KRR1: variants seen among roughly 807,000 people sequenced by gnomAD.
KRR1 encodes the protein KRR1 small subunit processome component homolog.
KRR1 carries 23 observed loss-of-function variants against 50.0 expected under a neutral mutation model. The ratio of observed to expected loss-of-function variants is 0.46; its 90% confidence interval spans 0.33 to 0.65. The LOEUF (loss-of-function observed/expected upper bound fraction) is 0.65, where lower values mean the gene tolerates loss of function less well. KRR1 is among the 30% of genes least tolerant of loss of function. The pLI is 0.02. For missense variants in KRR1, 419 were observed against 442.4 expected (o/e 0.95, Z 0.47); for synonymous variants, 133 against 146.3 (o/e 0.91, Z 0.66).
chr12:75,506,772 C>A lies in KRR1; in HGVS notation c.393+10G>T. Reference sequence around the variant, plus strand: ...CAAACAAAGCAAAGTCTCTGTAATTCTAGATTTACCTGTTCAAATGAAACA... The same window carrying A: ...CAAACAAAGCAAAGTCTCTGTAATTATAGATTTACCTGTTCAAATGAAACA... On this transcript the variant is annotated intron_variant, in intron 3 of 9. Transcript: ENST00000229214. 1 of 1,600,816 alleles carries A rather than the reference C, an allele frequency of 6.2e-7. No homozygotes were observed. The highest frequency in any genetic ancestry group is 8.5e-7 in the Non-Finnish European group (1 of 1,176,642).
intron 5 of KRR1, 27 bp downstream of exon 5, chr12:75,506,289 G>A: frequency 2.2e-6 from 3 of 1,369,096 alleles, no homozygotes; most frequent in Non-Finnish European, 3.1e-6. Flanking sequence ...TGCTGAAAAT[G>A]AATCGAAGAT....
At chr12:75,503,165 T>C (rs1255233009) in intron 7 of KRR1, 2 of 152,018 alleles carry the variant, frequency 1.3e-5, no homozygotes, top group Non-Finnish European at 2.9e-5. Context: ...AACCCATACG[T>C]GAGAGAAGAG....
Position 75,499,809 on chromosome 12 carries a change from T to C in KRR1, c.1146A>G (p.Ter382=), listed in dbSNP as rs146705305. 7.6e-5 allele frequency: 121 copies of C among 1,598,024 alleles called. No individual in the cohort carries two copies. In the African/African-American group the frequency reaches 1.4e-3, roughly 19 times the overall value. Residue 382 remains the stop codon, a stop_retained_variant, in exon 10 of 10, where the codon TAA becomes TAG. Coordinates refer to ENST00000229214, the MANE Select transcript of KRR1 (RefSeq NM_007043.7). ...ADEKKKKKKK[*] is the part of the protein sequence containing the mutation. ...TTCTAGTCAAGGAGTTTTGGGTATG[T>C]TACTTTTTTTTCTTCTTTTTCTTTT...
Position 75,506,623 on chromosome 12 carries a change from A to AG in KRR1, c.394-15_394-14insC. 2 of 1,550,752 alleles carry AG rather than the reference A, an allele frequency of 1.3e-6. 1 individual carries two copies. The highest frequency in any genetic ancestry group is 2.4e-5 in the South Asian group (2 of 82,078). ...AATTCGTACTGCCTTTTGCAAAAAA[A>AG]AAAAAAAAAAGAAGACATTATCAAC... On this transcript the variant is annotated splice_polypyrimidine_tract_variant and intron_variant, in intron 3 of 9. Transcript: ENST00000229214.
At position 75,499,770 on chromosome 12, in the gene KRR1, ACAAAAGGAGATAGTTCTAGT is replaced by A; in HGVS notation, c.*19_*38del. ...AATGCCTGATATCTCAAAATCCTTT[ACAAAAGGAGATAGTTCTAGT>A]CAAGGAGTTTTGGGTATGTTACTTT... On this transcript the variant is annotated 3_prime_UTR_variant, in exon 10 of 10. Coordinates refer to ENST00000229214, the MANE Select transcript of KRR1 (RefSeq NM_007043.7). 6.7e-7 allele frequency: 1 copy of A among 1,495,868 alleles called. No homozygotes were observed. Among genetic ancestry groups the A allele is most frequent in the Non-Finnish European group, 9.0e-7 (1 of 1,115,928 alleles). 92.7% of individuals were successfully genotyped at this position (1,495,868 alleles called of 1,614,324 possible).
Position 75,499,134 on chromosome 12 carries a change from T to C in KRR1, c.*675A>G, listed in dbSNP as rs866131402. On this transcript the variant is annotated 3_prime_UTR_variant, in exon 10 of 10. Coordinates refer to ENST00000229214, the MANE Select transcript of KRR1 (RefSeq NM_007043.7). Reference sequence around the variant, plus strand: ...TACTCAAAAGAAGAAATTTCCTAACTCTATCAGATAAACTCATCTTTAGTA... The same window carrying C: ...TACTCAAAAGAAGAAATTTCCTAACCCTATCAGATAAACTCATCTTTAGTA... The C allele has an allele frequency of 2.1e-6, 1 of 483,682 alleles. No homozygotes were observed. Among genetic ancestry groups the C allele is most frequent in the African/African-American group, 2.0e-5 (1 of 49,408 alleles). 30.0% of individuals were successfully genotyped at this position (483,682 alleles called of 1,614,324 possible). A position where few individuals can be genotyped will look rare whatever the true frequency, so the allele number is the denominator to read the frequency against.
chr12:75,507,333 G>A (rs1332468623), intron 2 of KRR1, among the ~76,000 whole-genome samples: 4 of 151,966 alleles, frequency 2.6e-5, no homozygotes, highest in Non-Finnish European at 5.9e-5. Flanking sequence ...AACTTTTTTC[G>A]AGCTAATTAG....
chr12:75,507,304 G>C lies in KRR1; in HGVS notation c.259-388C>G, dbSNP rs2046426868. Among the ~76,000 whole-genome samples, 2 of 152,162 alleles carry C rather than the reference G, an allele frequency of 1.3e-5. 1 individual carries two copies. Among genetic ancestry groups the C allele is most frequent in the Non-Finnish European group, 2.9e-5 (2 of 68,020 alleles). On this transcript the variant is annotated intron_variant, in intron 2 of 9. Transcript: ENST00000229214. ...GTCTACCATCTGCTCCATTGGGTAA[G>C]AATTGACTTTCCCTTTCAAACTTTT...
intron 2 of KRR1, among the ~76,000 whole-genome samples, chr12:75,507,194 A>T (rs2046426327): frequency 6.6e-6 from 1 of 152,174 alleles, no homozygotes; most frequent in East Asian, 1.9e-4. Flanking sequence ...AAAAATTATA[A>T]ATCAAACAAA....
Position 75,502,209 on chromosome 12 carries a change from A to G in KRR1, c.832-209T>C, listed in dbSNP as rs2046399190. 3.5e-5 allele frequency: 17 copies of G among 492,620 alleles called. No homozygotes were observed. In the South Asian group the frequency reaches 4.9e-4, roughly 14 times the overall value. 30.5% of individuals were successfully genotyped at this position (492,620 alleles called of 1,614,324 possible). A position where few individuals can be genotyped will look rare whatever the true frequency, so the allele number is the denominator to read the frequency against. On this transcript the variant is annotated intron_variant, in intron 7 of 9. Coordinates refer to ENST00000229214, the MANE Select transcript of KRR1 (RefSeq NM_007043.7). ...TAGGAAAGCACCTCCATGGAATACA[A>G]CCCAGAGTAGTTCAGGGATATGGCA...
chr12:75,502,563 C>A (rs1183545549), intron 7 of KRR1: 1 of 152,362 alleles, frequency 6.6e-6, no homozygotes, highest in Non-Finnish European at 1.5e-5. Context: ...ACTTACATAG[C>A]ATTATTATAT....
At chr12:75,511,282 G>A (rs961886729) in intron 1 of KRR1, among the ~76,000 whole-genome samples, 1 of 152,168 alleles carries the variant, frequency 6.6e-6, no homozygotes, top group Non-Finnish European at 1.5e-5. Flanking sequence ...ATCCGCAACA[G>A]CTTCGCTTTG....
At position 75,494,662 on chromosome 12, in the gene KRR1, A is replaced by G. The variant is rs1427480726; in HGVS notation, c.*5147T>C. ...AGGCCTCACCAGACTGCCAAAGGGT[A>G]CGATTACACAAAAAAGTTTAGAACT... is the stretch of plus-strand genomic sequence containing the variant. On this transcript the variant is annotated 3_prime_UTR_variant, in exon 10 of 10. Coordinates refer to ENST00000229214, the MANE Select transcript of KRR1 (RefSeq NM_007043.7). The G allele has an allele frequency of 6.6e-6, 1 of 152,224 alleles. No individual in the cohort carries two copies. Among genetic ancestry groups the G allele is most frequent in the African/African-American group, 2.4e-5 (1 of 41,458 alleles). The allele number at this position is 152,224 out of a possible 1,614,324, so 9.4% of individuals were successfully genotyped here. A position where few individuals can be genotyped will look rare whatever the true frequency, so the allele number is the denominator to read the frequency against.
intron 1 of KRR1, 80 bp from the exon 2 acceptor site, chr12:75,508,526 C>T: frequency 9.5e-7 from 1 of 1,049,224 alleles, no homozygotes; most frequent in South Asian, 1.6e-5. Flanking sequence ...GTCTTTTGGA[C>T]ACTTTATGAA....
At chr12:75,501,850 T>A in intron 8 of KRR1, 34 bp from the exon 9 acceptor site, 1 of 1,572,636 alleles carries the variant, frequency 6.4e-7, no homozygotes, top group Non-Finnish European at 8.7e-7. Flanking sequence ...ATCAGTTAAA[T>A]GTATTTATAG....
chr12:75,508,182 A>AG, intron 2 of KRR1, 92 bp downstream of exon 2: 1 of 150,314 alleles, frequency 6.7e-6, no homozygotes, highest in Non-Finnish European at 1.3e-5. Flanking sequence ...TAGCACCATT[A>AG]AAAAAAAAAA....
chr12:75,505,937 G>A (rs2046419748), intron 5 of KRR1, among the ~76,000 whole-genome samples: 1 of 152,052 alleles, frequency 6.6e-6, no homozygotes. Context: ...ACCTCTACTG[G>A]CTGTATACAC....
In KRR1 at chr12:75,501,836, ATATATCAGTTAAATG is replaced by A. The variant is rs1260406065; in HGVS notation, c.910-35_910-21del. Reference sequence around the variant, plus strand: ...TTTAGCCTACATTAATAAATAAAAAATATATCAGTTAAATGTATTTATAGTTAAATAATTCAAGTA... The same window carrying A: ...TTTAGCCTACATTAATAAATAAAAAATATTTATAGTTAAATAATTCAAGTA... On this transcript the variant is annotated intron_variant, in intron 8 of 9. Transcript: ENST00000229214. 1 of 1,576,608 alleles carries A rather than the reference ATATATCAGTTAAATG, an allele frequency of 6.3e-7. No homozygotes were observed. Among genetic ancestry groups the A allele is most frequent in the South Asian group, 1.1e-5 (1 of 88,342 alleles).
chr12:75,506,293 C>T (rs376654417), intron 5 of KRR1, 23 bp downstream of exon 5: 216 of 1,420,808 alleles, frequency 1.5e-4, no homozygotes, highest in African/African-American at 8.4e-4. Flanking sequence ...GAAAATGAAT[C>T]GAAGATAATA....
Sources: allele counts gnomAD v4.1 joint callset (sites outside exome capture counted in the v4.1 genomes callset), GRCh38; gene constraint gnomAD v4.1.1; transcripts MANE v1.5; gene names NCBI Gene and HGNC (gene_info 2026-07-23, HGNC 2026-07-21).